Variants in CFAP299 observed in about 807,000 individuals in gnomAD.
The protein encoded by CFAP299 is cilia- and flagella-associated protein 299.
In CFAP299, 21 loss-of-function variants were observed where a neutral mutation model predicts 27.0. That is an observed-to-expected ratio of 0.78 (90% CI 0.55 to 1.12). The LOEUF (loss-of-function observed/expected upper bound fraction) is 1.12, where lower values mean the gene tolerates loss of function less well. Ranked by LOEUF, CFAP299 falls within the 50% of genes most tolerant of loss-of-function variation. The pLI, the probability that CFAP299 is intolerant of heterozygous loss-of-function variation, is 0.00. For missense variants in CFAP299, 310 were observed against 276.6 expected (o/e 1.12, Z -0.86); for synonymous variants, 104 against 98.1 (o/e 1.06, Z -0.36).
At chr4:80,487,884 G>A (rs1023721647) in intron 2 of CFAP299, among the ~76,000 whole-genome samples, 2 of 152,094 alleles carry the variant, frequency 1.3e-5, no homozygotes, top group African/African-American at 4.8e-5. Flanking sequence ...AGTCATCGAT[G>A]GGAATATGTG....
At chr4:80,430,366 A>C (rs1727750414) in intron 2 of CFAP299, among the ~76,000 whole-genome samples, 1 of 152,230 alleles carries the variant, frequency 6.6e-6, no homozygotes. Flanking sequence ...TCTGCCTTGC[A>C]ATACTTTCTT....
intron 1 of CFAP299, among the ~76,000 whole-genome samples, chr4:80,350,584 C>T (rs1722966621): frequency 6.6e-6 from 1 of 152,134 alleles, no homozygotes; most frequent in Non-Finnish European, 1.5e-5. Flanking sequence ...ACATATACAC[C>T]ATGGAATACT....
chr4:80,692,120 C>G (rs944748244), intron 3 of CFAP299, among the ~76,000 whole-genome samples: 3 of 152,078 alleles, frequency 2.0e-5, no homozygotes, highest in Non-Finnish European at 4.4e-5. Flanking sequence ...CCATACTGCC[C>G]AAGATAATTT....
chr4:80,884,721 C>T (rs561124650), intron 4 of CFAP299, among the ~76,000 whole-genome samples: 5,487 of 144,186 alleles, frequency 0.038, 239 homozygotes, highest in African/African-American at 0.11. Context: ...ATAAAATAAA[C>T]AAAGTTGACA....
rs569648958 is a variant in CFAP299, at chr4:80,691,831, G to A, written c.333+108648G>A. Among the ~76,000 whole-genome samples the A allele has an allele frequency of 5.1e-3, 770 of 152,296 alleles. 5 individuals carry two copies. Among genetic ancestry groups the A allele is most frequent in the Middle Eastern group, 0.02 (6 of 294 alleles). On this transcript the variant is annotated intron_variant, in intron 3 of 5. Transcript: ENST00000358105. ...GCCCAAAATCTCTTTAAGCTGATAA[G>A]CAAATTCAGCAAAGTCTCAGGATAC... is the stretch of plus-strand genomic sequence containing the variant.
intron 4 of CFAP299, among the ~76,000 whole-genome samples, chr4:80,908,528 A>C (rs183475021): frequency 1.3e-5 from 2 of 152,322 alleles, no homozygotes; most frequent in Non-Finnish European, 2.9e-5. Flanking sequence ...CTCACATGCC[A>C]GAATTTTACT....
intron 2 of CFAP299, among the ~76,000 whole-genome samples, chr4:80,435,409 A>G (rs1728018143): frequency 6.6e-6 from 1 of 152,202 alleles, no homozygotes. Flanking sequence ...TACTTAATAT[A>G]TGGAACTAAT....
intron 4 of CFAP299, among the ~76,000 whole-genome samples, chr4:80,880,515 A>G (rs113880545): frequency 0.037 from 5,557 of 152,178 alleles, 246 homozygotes; most frequent in African/African-American, 0.11. Flanking sequence ...GCAGATCACA[A>G]GGTCAGGAAT....
intron 4 of CFAP299, among the ~76,000 whole-genome samples, chr4:80,891,765 T>A (rs867438281): frequency 5.6e-4 from 33 of 59,040 alleles, no homozygotes; most frequent in Non-Finnish European, 7.6e-4. Context: ...TAGAGTATAA[T>A]AAAAAAAAAA....
intron 2 of CFAP299, chr4:80,388,494 G>A: frequency 7.2e-7 from 1 of 1,382,580 alleles, no homozygotes; most frequent in Non-Finnish European, 1.0e-6. Context: ...CTTTGGCACT[G>A]TTCCCGCTTG....
chr4:80,834,144 G>A (rs1016511632), intron 3 of CFAP299, among the ~76,000 whole-genome samples: 2 of 152,160 alleles, frequency 1.3e-5, no homozygotes, highest in Non-Finnish European at 1.5e-5. Context: ...CAAAGTGGAT[G>A]TGTATTCCCA....
intron 2 of CFAP299, among the ~76,000 whole-genome samples, chr4:80,492,191 A>G (rs1027687063): frequency 6.6e-6 from 1 of 152,142 alleles, no homozygotes; most frequent in Non-Finnish European, 1.5e-5. Flanking sequence ...TCTTAAATGT[A>G]TTTGAGTGAT....
intron 2 of CFAP299, among the ~76,000 whole-genome samples, chr4:80,458,799 A>G (rs371738282): frequency 6.6e-5 from 10 of 152,194 alleles, no homozygotes; most frequent in East Asian, 5.8e-4. Flanking sequence ...GCCCCAGACC[A>G]TTAAGGATGC....
At chr4:80,814,061 C>G (rs1044956357) in intron 3 of CFAP299, among the ~76,000 whole-genome samples, 1 of 151,934 alleles carries the variant, frequency 6.6e-6, no homozygotes. Flanking sequence ...TTAGCTAATT[C>G]TCAAAAGTAC....
chr4:80,528,161 C>T (rs1733283335), intron 2 of CFAP299, among the ~76,000 whole-genome samples: 1 of 151,930 alleles, frequency 6.6e-6, no homozygotes, highest in African/African-American at 2.4e-5. Context: ...TCATTTTCAT[C>T]TAACAAACAC....
At chr4:80,469,054 A>G (rs1356373899) in intron 2 of CFAP299, among the ~76,000 whole-genome samples, 1 of 152,172 alleles carries the variant, frequency 6.6e-6, no homozygotes, top group Non-Finnish European at 1.5e-5. Context: ...ATACTCTACT[A>G]AATGTGCTAT....
intron 2 of CFAP299, among the ~76,000 whole-genome samples, chr4:80,418,431 T>C (rs1727127148): frequency 6.6e-6 from 1 of 152,034 alleles, no homozygotes; most frequent in South Asian, 2.1e-4. Flanking sequence ...TTGAGTACAA[T>C]GTGAAAAGAT....
At chr4:80,400,351 A>G (rs1726081120) in intron 2 of CFAP299, among the ~76,000 whole-genome samples, 3 of 152,094 alleles carry the variant, frequency 2.0e-5, no homozygotes, top group Non-Finnish European at 2.9e-5. Flanking sequence ...AACTGAGTTG[A>G]TATGGCTTGG....
At chr4:80,613,960 A>G (rs1222630251) in intron 3 of CFAP299, among the ~76,000 whole-genome samples, 1 of 152,192 alleles carries the variant, frequency 6.6e-6, no homozygotes, top group African/African-American at 2.4e-5. Flanking sequence ...AAAGGCAGGC[A>G]GGCACATGTT....
Sources: allele counts gnomAD v4.1 joint callset (sites outside exome capture counted in the v4.1 genomes callset), GRCh38; gene constraint gnomAD v4.1.1; transcripts MANE v1.5; gene names NCBI Gene and HGNC (gene_info 2026-07-23, HGNC 2026-07-21).